PLCB1: variants seen among roughly 807,000 people sequenced by gnomAD.
PLCB1 encodes phospholipase C beta 1, also known as 1-phosphatidylinositol 4,5-bisphosphate phosphodiesterase beta-1.
In PLCB1, 46 loss-of-function variants were observed where a neutral mutation model predicts 161.8. The ratio of observed to expected loss-of-function variants is 0.28; its 90% CI spans 0.22 to 0.36. The LOEUF is 0.36. Among genes scored for constraint, PLCB1 ranks in the 10% least tolerant of loss-of-function variants. The pLI, the probability that PLCB1 is intolerant of heterozygous loss-of-function variation, is 1.00. For synonymous variants in PLCB1, 517 were observed against 503.7 expected (o/e 1.03, Z -0.35); for missense variants, 1,016 against 1,472.5 (o/e 0.69, Z 5.07).
At chr20:8,356,497 G>T (rs911847010) in intron 2 of PLCB1, among the ~76,000 whole-genome samples, 18 of 152,120 alleles carry the variant, frequency 1.2e-4, no homozygotes, top group Non-Finnish European at 2.2e-4. Flanking sequence ...GCTGAAGAAG[G>T]TAAGGAGGAA....
At chr20:8,213,697 G>A (rs1011121389) in intron 2 of PLCB1, among the ~76,000 whole-genome samples, 3 of 151,932 alleles carry the variant, frequency 2.0e-5, no homozygotes, top group African/African-American at 7.3e-5. Context: ...GTGGTGGTGT[G>A]TGTGTGTGTG....
At chr20:8,402,151 C>G (rs1450565928) in intron 3 of PLCB1, among the ~76,000 whole-genome samples, 1 of 152,024 alleles carries the variant, frequency 6.6e-6, no homozygotes. Flanking sequence ...CCTGCTTTAT[C>G]AAGTTTTATT....
chr20:8,145,458 A>T (rs186814704), intron 1 of PLCB1, among the ~76,000 whole-genome samples: 3 of 152,338 alleles, frequency 2.0e-5, no homozygotes, highest in Admixed American at 1.3e-4. Context: ...ACCTGGTGAC[A>T]TACCTCCGCC....
chr20:8,651,095 C>T (rs1010747849), intron 7 of PLCB1, among the ~76,000 whole-genome samples: 6 of 152,192 alleles, frequency 3.9e-5, no homozygotes, highest in African/African-American at 1.2e-4. Context: ...ATTTTTTTCT[C>T]GTGCAGAGCT....
intron 2 of PLCB1, among the ~76,000 whole-genome samples, chr20:8,343,513 A>G (rs1818561096): frequency 6.6e-6 from 1 of 152,112 alleles, no homozygotes; most frequent in Admixed American, 6.6e-5. Flanking sequence ...TCTCTCTGTC[A>G]CCTGTACTTC....
At chr20:8,262,229 A>C (rs1048147496) in intron 2 of PLCB1, among the ~76,000 whole-genome samples, 1 of 148,390 alleles carries the variant, frequency 6.7e-6, no homozygotes, top group Non-Finnish European at 1.5e-5. Flanking sequence ...CAACAGGCAC[A>C]TGCCACCACG....
chr20:8,410,849 T>C (rs1331913424), intron 3 of PLCB1, among the ~76,000 whole-genome samples: 1 of 152,038 alleles, frequency 6.6e-6, no homozygotes, highest in African/African-American at 2.4e-5. Flanking sequence ...AGAGACATAC[T>C]AGGAAGATTT....
At chr20:8,557,267 T>A (rs1223194612) in intron 3 of PLCB1, among the ~76,000 whole-genome samples, 1 of 152,028 alleles carries the variant, frequency 6.6e-6, no homozygotes, top group Non-Finnish European at 1.5e-5. Context: ...GCAGCATTAT[T>A]CACAATAGAC....
chr20:8,733,219 TTG>T lies in PLCB1; in HGVS notation c.1889-15_1889-14del. 1 of 1,612,654 alleles carries T rather than the reference TTG, an allele frequency of 6.2e-7. No homozygotes were observed. Among genetic ancestry groups the T allele is most frequent in the Non-Finnish European group, 8.5e-7 (1 of 1,178,826 alleles). On this transcript the variant is annotated splice_polypyrimidine_tract_variant and intron_variant, in intron 18 of 31. Coordinates refer to ENST00000338037, the MANE Select transcript of PLCB1 (RefSeq NM_015192.4). ...AGTATAGATAAACTCACAATAAGGCTTGTGTTTTTGATACTCAGACCTGGCTA... is the reference window on the plus strand; with the variant it reads ...AGTATAGATAAACTCACAATAAGGCTTGTTTTTGATACTCAGACCTGGCTA...
chr20:8,627,316 A>G (rs2123214327), intron 3 of PLCB1, among the ~76,000 whole-genome samples: 1 of 152,222 alleles, frequency 6.6e-6, no homozygotes, highest in African/African-American at 2.4e-5. Context: ...TTAAACATCT[A>G]CTATTTAGAT....
At chr20:8,320,342 G>A (rs1984855418) in intron 2 of PLCB1, among the ~76,000 whole-genome samples, 1 of 152,146 alleles carries the variant, frequency 6.6e-6, no homozygotes, top group Non-Finnish European at 1.5e-5. Context: ...AGTTCTAGGA[G>A]CTCCCTTCTG....
At chr20:8,586,358 T>G (rs928778749) in intron 3 of PLCB1, among the ~76,000 whole-genome samples, 41 of 48,398 alleles carry the variant, frequency 8.5e-4, no homozygotes, top group African/African-American at 4.7e-3. Context: ...TTATTATGGT[T>G]TTTTTTTTTG....
intron 2 of PLCB1, among the ~76,000 whole-genome samples, chr20:8,196,864 T>C (rs1190087280): frequency 6.7e-6 from 1 of 149,772 alleles, no homozygotes; most frequent in Non-Finnish European, 1.5e-5. Flanking sequence ...TCCCCCTTCC[T>C]GTGTCCAAGT....
chr20:8,595,515 G>A (rs1987312058), intron 3 of PLCB1, among the ~76,000 whole-genome samples: 1 of 124,812 alleles, frequency 8.0e-6, no homozygotes, highest in Non-Finnish European at 1.7e-5. Context: ...GGACATTTGG[G>A]TTGGTTCCAA....
At chr20:8,718,854 T>C (rs749420761) in intron 14 of PLCB1, among the ~76,000 whole-genome samples, 8 of 152,198 alleles carry the variant, frequency 5.3e-5, no homozygotes, top group African/African-American at 1.9e-4. Context: ...ACTGGATGCA[T>C]TGTCATTGAT....
intron 1 of PLCB1, among the ~76,000 whole-genome samples, chr20:8,143,664 T>A (rs1568568403): frequency 6.6e-6 from 1 of 152,156 alleles, no homozygotes. Context: ...GAAGAATGTG[T>A]CAGGTGGAGG....
chr20:8,177,366 C>A (rs1274989860), intron 2 of PLCB1, among the ~76,000 whole-genome samples: 1 of 152,162 alleles, frequency 6.6e-6, no homozygotes, highest in East Asian at 1.9e-4. Context: ...GCCGCCAGAA[C>A]AGTGAGGAAT....
Position 8,834,951 on chromosome 20 carries a change from A to G in PLCB1, c.3423+44690A>G, listed in dbSNP as rs7268713. The stretch of plus-strand genomic sequence containing the variant: ...AACCTTTGTTCTATTCAGACCTTCA[A>G]CTGGTTGGATGAGGCCCTCCCACAT... On this transcript the variant is annotated intron_variant, in intron 31 of 31. Coordinates refer to ENST00000338037, the MANE Select transcript of PLCB1 (RefSeq NM_015192.4). Among the ~76,000 whole-genome samples the G allele has an allele frequency of 1.2e-4, 19 of 152,138 alleles. No individual in the cohort carries two copies. In the East Asian group the frequency reaches 2.5e-3, roughly 20 times the overall value.
intron 3 of PLCB1, among the ~76,000 whole-genome samples, chr20:8,429,431 C>T (rs1600394621): frequency 6.7e-6 from 1 of 149,620 alleles, no homozygotes; most frequent in Non-Finnish European, 1.5e-5. Context: ...TAGGTTGTGA[C>T]CTATTTGTGG....
Sources: gnomAD v4.1 joint callset for allele counts (sites outside exome capture counted in the v4.1 genomes callset) on GRCh38, gnomAD v4.1.1 for gene constraint, MANE v1.5 for transcripts, NCBI Gene and HGNC (gene_info 2026-07-23, HGNC 2026-07-21) for gene names.